Variants in LUZP2 observed in about 807,000 individuals in gnomAD.
The protein encoded by LUZP2 is leucine zipper protein 2.
LUZP2 carries 52 observed loss-of-function variants against 51.6 expected under a neutral mutation model. The ratio of observed to expected loss-of-function variants is 1.01; its 90% confidence interval spans 0.81 to 1.27. The LOEUF is 1.27. Among genes scored for constraint, LUZP2 ranks in the 50% most tolerant of loss-of-function variants. The pLI is 0.00. For synonymous variants in LUZP2, 154 were observed against 137.3 expected (o/e 1.12, Z -0.85); for missense variants, 436 against 395.4 (o/e 1.10, Z -0.87).
intron 1 of LUZP2, among the ~76,000 whole-genome samples, chr11:24,612,494 T>C (rs1457041317): frequency 1.3e-5 from 2 of 152,114 alleles, no homozygotes; most frequent in African/African-American, 4.8e-5. Context: ...TAGTTTCTAT[T>C]AAAATTATGT....
intron 1 of LUZP2, among the ~76,000 whole-genome samples, chr11:24,594,258 A>C (rs10767219): frequency 0.99 from 150,164 of 152,282 alleles, 74,059 homozygotes; most frequent in East Asian, 1. Context: ...ATTCTGGAAT[A>C]TGTCAATGAC....
chr11:24,565,537 G>A (rs1224750155), intron 1 of LUZP2, among the ~76,000 whole-genome samples: 1 of 152,082 alleles, frequency 6.6e-6, no homozygotes, highest in Non-Finnish European at 1.5e-5. Context: ...ATACTTGATA[G>A]GGGCATTAAA....
intron 1 of LUZP2, among the ~76,000 whole-genome samples, chr11:24,564,981 T>A (rs1852167637): frequency 1.3e-5 from 2 of 152,170 alleles, no homozygotes; most frequent in African/African-American, 2.4e-5. Flanking sequence ...ACTTTAGTGA[T>A]CCCAGATTTG....
chr11:24,799,911 A>C (rs1849649852), intron 5 of LUZP2, among the ~76,000 whole-genome samples: 2 of 152,214 alleles, frequency 1.3e-5, no homozygotes, highest in Non-Finnish European at 2.9e-5. Context: ...GGCATTGAGC[A>C]TATCTTCCTG....
intron 1 of LUZP2, among the ~76,000 whole-genome samples, chr11:24,658,093 C>T (rs1486273080): frequency 1.3e-5 from 2 of 152,092 alleles, no homozygotes; most frequent in African/African-American, 4.8e-5. Context: ...TCATATGGCA[C>T]CAAAAAAGAG....
intron 5 of LUZP2, among the ~76,000 whole-genome samples, chr11:24,823,930 G>T (rs1590595891): frequency 6.6e-6 from 1 of 152,024 alleles, no homozygotes; most frequent in Non-Finnish European, 1.5e-5. Flanking sequence ...AGGTGTGGTG[G>T]CAGGTGCCTG....
intron 1 of LUZP2, among the ~76,000 whole-genome samples, chr11:24,511,558 C>A (rs1995837): frequency 1.3e-5 from 2 of 151,810 alleles, no homozygotes; most frequent in African/African-American, 4.8e-5. Flanking sequence ...TAGGAGTATT[C>A]ATAAGTAATA....
At chr11:24,606,571 T>C (rs916120983) in intron 1 of LUZP2, among the ~76,000 whole-genome samples, 3 of 151,996 alleles carry the variant, frequency 2.0e-5, no homozygotes, top group Non-Finnish European at 4.4e-5. Flanking sequence ...TGTTTTCATA[T>C]CTTGGCTATT....
chr11:24,720,978 C>T (rs1240725474), intron 1 of LUZP2, among the ~76,000 whole-genome samples: 1 of 152,190 alleles, frequency 6.6e-6, no homozygotes, highest in Non-Finnish European at 1.5e-5. Context: ...TGAGCCAGAC[C>T]TGTTCTCTTT....
At position 24,641,956 on chromosome 11, in the gene LUZP2, C is replaced by CG. The variant is rs1430475448; in HGVS notation, c.63-87212dup. On this transcript the variant is annotated intron_variant, in intron 1 of 11. Transcript: ENST00000336930. ...GTCACCAGGCTGGAGTGCAGTGGCACGATTTTGGCTCACTGTAACCTCCGC... is the reference window on the plus strand; with the variant it reads ...GTCACCAGGCTGGAGTGCAGTGGCACGGATTTTGGCTCACTGTAACCTCCGC... Among the ~76,000 whole-genome samples the CG allele has an allele frequency of 9.2e-5, 14 of 151,872 alleles. 1 individual carries two copies. The highest frequency in any genetic ancestry group is 3.4e-4 in the African/African-American group (14 of 41,164).
chr11:24,742,233 G>T (rs1464802841), intron 4 of LUZP2, among the ~76,000 whole-genome samples: 1 of 151,134 alleles, frequency 6.6e-6, no homozygotes, highest in East Asian at 1.9e-4. Context: ...GGGATTGATG[G>T]ATCTAATGGT....
chr11:24,765,028 C>G (rs1001310883), intron 5 of LUZP2, among the ~76,000 whole-genome samples: 2 of 152,042 alleles, frequency 1.3e-5, no homozygotes, highest in African/African-American at 2.4e-5. Flanking sequence ...CACTTTAATA[C>G]TATTAAGAAC....
At chr11:24,650,419 C>G (rs1326176346) in intron 1 of LUZP2, among the ~76,000 whole-genome samples, 1 of 152,058 alleles carries the variant, frequency 6.6e-6, no homozygotes, top group Non-Finnish European at 1.5e-5. Flanking sequence ...CACACAGACA[C>G]ACACACATAC....
At chr11:24,963,277 C>G (rs1278463109) in intron 7 of LUZP2, among the ~76,000 whole-genome samples, 2 of 152,162 alleles carry the variant, frequency 1.3e-5, no homozygotes, top group African/African-American at 4.8e-5. Flanking sequence ...GCTGGGAGAA[C>G]CACTGCTCTC....
chr11:25,039,078 T>G (rs1439696919), intron 9 of LUZP2, among the ~76,000 whole-genome samples: 1 of 152,168 alleles, frequency 6.6e-6, no homozygotes, highest in Non-Finnish European at 1.5e-5. Context: ...CCAGGTCCGC[T>G]CCTTGGTCTT....
chr11:24,586,400 T>C (rs970310277), intron 1 of LUZP2, among the ~76,000 whole-genome samples: 1 of 148,816 alleles, frequency 6.7e-6, no homozygotes, highest in African/African-American at 2.6e-5. Context: ...ATTTTCTTTC[T>C]ACTAAGACAC....
At chr11:24,969,584 G>C (rs187367009) in intron 7 of LUZP2, among the ~76,000 whole-genome samples, 32 of 152,228 alleles carry the variant, frequency 2.1e-4, no homozygotes, top group Admixed American at 5.9e-4. Flanking sequence ...ATAATATACT[G>C]TATCTTCCCT....
chr11:25,060,560 T>G (rs2134038551), intron 10 of LUZP2, among the ~76,000 whole-genome samples: 1 of 152,364 alleles, frequency 6.6e-6, no homozygotes, highest in African/African-American at 2.4e-5. Flanking sequence ...TTGCTGTGAT[T>G]ACCTTTATTA....
At chr11:24,893,745 C>G (rs1852929422) in intron 5 of LUZP2, among the ~76,000 whole-genome samples, 1 of 142,382 alleles carries the variant, frequency 7.0e-6, no homozygotes, top group Non-Finnish European at 1.5e-5. Flanking sequence ...TTCATGCTGA[C>G]ACACAAACAC....
Sources: allele counts gnomAD v4.1 joint callset (sites outside exome capture counted in the v4.1 genomes callset), GRCh38; gene constraint gnomAD v4.1.1; transcripts MANE v1.5; gene names NCBI Gene and HGNC (gene_info 2026-07-23, HGNC 2026-07-21).